The following ANKRD50 variants were observed in gnomAD, a reference collection of about 807,000 sequenced individuals.
The protein encoded by ANKRD50 is ankyrin repeat domain 50.
A neutral mutation model predicts 112.0 loss-of-function variants in ANKRD50; 40 were observed. The observed-to-expected ratio is 0.36, with a 90% CI of 0.28 to 0.46. ANKRD50 has a LOEUF of 0.46. Ranked by LOEUF, ANKRD50 falls within the 20% of genes least tolerant of loss-of-function variation. The pLI is 1.00. For synonymous variants in ANKRD50, 613 were observed against 619.1 expected, an observed-to-expected ratio of 0.99 and a Z score of 0.15; for missense variants, 1,487 against 1,701.7, an observed-to-expected ratio of 0.87 and a Z score of 2.22.
intron 2 of ANKRD50, among the ~76,000 whole-genome samples, chr4:124,687,199 T>C (rs1173821679): frequency 6.6e-6 from 1 of 152,162 alleles, no homozygotes; most frequent in Non-Finnish European, 1.5e-5. Context: ...AGCATAAATA[T>C]AGGAACATGA....
chr4:124,693,548 AGTTTT>A (rs1725182410), intron 2 of ANKRD50, among the ~76,000 whole-genome samples: 1 of 152,086 alleles, frequency 6.6e-6, no homozygotes, highest in Non-Finnish European at 1.5e-5. Context: ...TGCTCTCACA[AGTTTT>A]ATTTTATTCA....
intron 2 of ANKRD50, among the ~76,000 whole-genome samples, chr4:124,709,308 T>C (rs552100084): frequency 4.6e-5 from 7 of 152,244 alleles, no homozygotes; most frequent in Admixed American, 3.9e-4. Context: ...GAAACCACTC[T>C]GGAAAGCAAC....
chr4:124,671,234 C>T lies in ANKRD50; in HGVS notation c.2043G>A (p.Leu681=), dbSNP rs770329070. The change falls in exon 4 of 5, where the codon TTG becomes TTA. Residue 681 remains leucine (L), a synonymous_variant. Coordinates refer to ENST00000504087, the MANE Select transcript of ANKRD50 (RefSeq NM_020337.3). ...TATGTCCCATGTATGCTGCTGCTATCAAAGCAGTTCTACCTTCATTATCAG... is the reference window on the plus strand; with the variant it reads ...TATGTCCCATGTATGCTGCTGCTATTAAAGCAGTTCTACCTTCATTATCAG... ...NKADNEGRTA[L]IAAAYMGHRE... 4 of 1,613,886 alleles carry T rather than the reference C, an allele frequency of 2.5e-6. No homozygotes were observed. Among genetic ancestry groups the T allele is most frequent in the Non-Finnish European group, 2.5e-6 (3 of 1,179,858 alleles).
At position 124,710,032 on chromosome 4, in the gene ANKRD50, C is replaced by T. The variant is rs1023123315; in HGVS notation, c.480G>A (p.Glu160=). 4.3e-6 allele frequency: 7 copies of T among 1,613,426 alleles called. No homozygotes were observed. Among genetic ancestry groups the T allele is most frequent in the Middle Eastern group, 3.3e-4 (2 of 6,080 alleles). Residue 160 remains glutamate (E), a synonymous_variant, in exon 2 of 5, where the codon GAG becomes GAA. Transcript: ENST00000504087. The stretch of plus-strand genomic sequence containing the variant: ...ATGCTTCGGCTGGGTTTCTCTCGCA[C>T]TCCCCAGGCTGTAAGAGGCTTTGGA... The part of the protein sequence containing the change: ...PAVQSLLQPG[E]CERNPAEAFK...
In ANKRD50 at chr4:124,671,459, A is replaced by G. The variant is rs769609873; in HGVS notation, c.1818T>C (p.His606=). Residue 606 remains histidine (H), a synonymous_variant, in exon 4 of 5, where the codon CAT becomes CAC. Coordinates refer to ENST00000504087, the MANE Select transcript of ANKRD50 (RefSeq NM_020337.3). The part of the protein sequence containing the change: ...CLIGCGANIN[H]TDQDGWTALR... ...ATGCTGTCCAACCATCTTGATCAGT[A>G]TGATTAATATTTGCTCCACACCCAA... The G allele has an allele frequency of 6.2e-7, 1 of 1,613,792 alleles. No homozygotes were observed. Among genetic ancestry groups the G allele is most frequent in the East Asian group, 2.2e-5 (1 of 44,838 alleles).
rs553161248 is a variant in ANKRD50 at position 124,688,546 on chromosome 4, G to A, written c.513-9641C>T. On this transcript the variant is annotated intron_variant, in intron 2 of 4. Transcript: ENST00000504087. The stretch of plus-strand genomic sequence containing the variant: ...TAACGCAAAATTATTACTTGTTAAC[G>A]TTTCTTTGAAACGCAAAAGACATAG... 3.3e-5 allele frequency among the ~76,000 whole-genome samples: 5 copies of A among 152,224 alleles called. No homozygotes were observed. In the South Asian group the frequency reaches 8.3e-4, roughly 25 times the overall value.
intron 2 of ANKRD50, among the ~76,000 whole-genome samples, chr4:124,682,322 C>CAAAAAAAAAA (rs36107017): frequency 1.1e-5 from 1 of 87,544 alleles, no homozygotes; most frequent in Admixed American, 1.2e-4. Context: ...GACTCCGTCT[C>CAAAAAAAAAA]AAAAAAAAAA....
At chr4:124,703,636 G>T (rs1478269271) in intron 2 of ANKRD50, among the ~76,000 whole-genome samples, 1 of 151,062 alleles carries the variant, frequency 6.6e-6, no homozygotes, top group Non-Finnish European at 1.5e-5. Context: ...TGCCTCAAAG[G>T]AATGAGAACC....
At chr4:124,693,466 A>C (rs955636704) in intron 2 of ANKRD50, among the ~76,000 whole-genome samples, 18 of 152,132 alleles carry the variant, frequency 1.2e-4, no homozygotes, top group African/African-American at 4.3e-4. Context: ...ATAGCTCCTG[A>C]ATTCACTAAA....
chr4:124,665,385 T>TA lies in ANKRD50; in HGVS notation c.*2132dup. On this transcript the variant is annotated 3_prime_UTR_variant, in exon 5 of 5. Transcript: ENST00000504087. The stretch of plus-strand genomic sequence containing the variant: ...AACATAAATCCCTTATGCAATGTCA[T>TA]ATCTTCGCCCTTTGGACACAAGGTG... 6.6e-6 allele frequency: 1 copy of TA among 152,484 alleles called. No individual in the cohort carries two copies. The highest frequency in any genetic ancestry group is 6.6e-5 in the Admixed American group (1 of 15,242). 9.4% of individuals were successfully genotyped at this position (152,484 alleles called of 1,614,324 possible). A position where few individuals can be genotyped will look rare whatever the true frequency, so the allele number is the denominator to read the frequency against.
At chr4:124,682,668 A>G (rs1297612354) in intron 2 of ANKRD50, among the ~76,000 whole-genome samples, 2 of 151,908 alleles carry the variant, frequency 1.3e-5, no homozygotes, top group African/African-American at 4.8e-5. Context: ...TCCAAAATCT[A>G]CCTTGTCTGA....
intron 2 of ANKRD50, among the ~76,000 whole-genome samples, chr4:124,702,788 A>T (rs1725419046): frequency 6.6e-6 from 1 of 152,078 alleles, no homozygotes; most frequent in South Asian, 2.1e-4. Context: ...ACCTCACTTA[A>T]CTTAGTGTTC....
chr4:124,683,440 A>C (rs1028649779), intron 2 of ANKRD50, among the ~76,000 whole-genome samples: 1 of 152,016 alleles, frequency 6.6e-6, no homozygotes, highest in Non-Finnish European at 1.5e-5. Context: ...TCTTCTGTGT[A>C]CTAAGAATAT....
In ANKRD50 at chr4:124,688,904, A is replaced by G. The variant is rs190303023; in HGVS notation, c.513-9999T>C. 3.2e-3 allele frequency among the ~76,000 whole-genome samples: 489 copies of G among 152,262 alleles called. 3 individuals carry two copies. Among genetic ancestry groups the G allele is most frequent in the Non-Finnish European group, 5.8e-3 (396 of 68,018 alleles). ...CCCTTTGGCCTTAGAACTTTCATAT[A>G]TGCTGGAATTTCCACCACTCCTCAC... On this transcript the variant is annotated intron_variant, in intron 2 of 4. Transcript: ENST00000504087.
intron 2 of ANKRD50, among the ~76,000 whole-genome samples, chr4:124,701,122 C>T (rs1443347457): frequency 6.6e-6 from 1 of 152,132 alleles, no homozygotes; most frequent in Non-Finnish European, 1.5e-5. Flanking sequence ...TACCACCATG[C>T]TCGACTAATT....
chr4:124,672,199 C>A lies in ANKRD50; in HGVS notation c.1078G>T (p.Ala360Ser). The change falls in exon 4 of 5, where the codon GCC (alanine) becomes TCC (serine). Residue 360 changes from alanine (A) to serine (S), a missense_variant. Around this residue, in one of 2 missense-constraint regions of ANKRD50, gnomAD observed 1,046 missense variants for 1,269.5 expected, o/e 0.82. Coordinates refer to ENST00000504087, the MANE Select transcript of ANKRD50 (RefSeq NM_020337.3). ...VQPILNVILA[A>S]CRPLTITELY... is the part of the protein sequence containing the mutation. ...TCCGTTATGGTCAAAGGTCGGCAGG[C>A]TGCAAGAATCACATTCAAAATAGGC... 2 of 1,613,852 alleles carry A rather than the reference C, an allele frequency of 1.2e-6. No homozygotes were observed. Among genetic ancestry groups the A allele is most frequent in the Non-Finnish European group, 1.7e-6 (2 of 1,179,858 alleles).
At chr4:124,693,480 G>A (rs1725180206) in intron 2 of ANKRD50, among the ~76,000 whole-genome samples, 1 of 151,964 alleles carries the variant, frequency 6.6e-6, no homozygotes, top group African/African-American at 2.4e-5. Context: ...CACTAAATCT[G>A]GATCTGTAGT....
At chr4:124,690,050 G>A (rs1317399174) in intron 2 of ANKRD50, among the ~76,000 whole-genome samples, 1 of 152,072 alleles carries the variant, frequency 6.6e-6, no homozygotes, top group Non-Finnish European at 1.5e-5. Flanking sequence ...AAGGCTGTAT[G>A]ATTTTTTTTG....
chr4:124,680,781 G>A (rs1257402691), intron 2 of ANKRD50, among the ~76,000 whole-genome samples: 1 of 152,054 alleles, frequency 6.6e-6, no homozygotes, highest in Non-Finnish European at 1.5e-5. Context: ...TGGGAATTGA[G>A]GTTGGTAAGG....
Sources: gnomAD v4.1 joint callset for allele counts (sites outside exome capture counted in the v4.1 genomes callset) on GRCh38, gnomAD v4.1.1 for gene constraint, gnomAD v4.1.1 regional missense constraint, MANE v1.5 for transcripts, NCBI Gene and HGNC (gene_info 2026-07-23, HGNC 2026-07-21) for gene names.